Variants in NRCAM observed in about 807,000 individuals in gnomAD.
NRCAM encodes the protein neuronal cell adhesion molecule.
Under a neutral mutation model 156.5 loss-of-function variants are expected in NRCAM, and 83 were observed. The ratio of observed to expected loss-of-function variants is 0.53; its 90% CI spans 0.44 to 0.64. The LOEUF (loss-of-function observed/expected upper bound fraction) is 0.64. NRCAM is among the 30% of genes least tolerant of loss of function. The pLI is 0.00. For missense variants in NRCAM, 1,417 were observed against 1,597.3 expected (o/e 0.89, Z 1.92); for synonymous variants, 538 against 563.9 (o/e 0.95, Z 0.65).
chr7:108,371,381 C>T (rs548966324), intron 2 of NRCAM, among the ~76,000 whole-genome samples: 2 of 152,014 alleles, frequency 1.3e-5, no homozygotes, highest in African/African-American at 4.8e-5. Context: ...TCTACTCTGC[C>T]ACTACAACCA....
At chr7:108,324,875 T>C (rs1005364011) in intron 2 of NRCAM, among the ~76,000 whole-genome samples, 1 of 117,480 alleles carries the variant, frequency 8.5e-6, no homozygotes, top group Admixed American at 1.1e-4. Flanking sequence ...TTTGGCACTG[T>C]ACTTTTTTTT....
chr7:108,360,546 T>C (rs2099542798), intron 2 of NRCAM, among the ~76,000 whole-genome samples: 1 of 152,182 alleles, frequency 6.6e-6, no homozygotes, highest in Non-Finnish European at 1.5e-5. Flanking sequence ...AAAACAAGTT[T>C]GAAAAAGCAG....
At chr7:108,328,056 G>A (rs1166444666) in intron 2 of NRCAM, among the ~76,000 whole-genome samples, 1 of 152,182 alleles carries the variant, frequency 6.6e-6, no homozygotes, top group Non-Finnish European at 1.5e-5. Flanking sequence ...ACACCCTGTG[G>A]ATGTACCCTG....
intron 11 of NRCAM, among the ~76,000 whole-genome samples, chr7:108,218,048 G>T (rs992882650): frequency 2.6e-5 from 4 of 152,166 alleles, no homozygotes; most frequent in Non-Finnish European, 4.4e-5. Context: ...CCCTGGTGGT[G>T]TAGGCACCCC....
chr7:108,208,229 C>T (rs982031009), intron 12 of NRCAM, among the ~76,000 whole-genome samples: 7 of 152,056 alleles, frequency 4.6e-5, no homozygotes, highest in Middle Eastern at 3.4e-3. Context: ...TTGCTTGAAC[C>T]CGGGAGGTGG....
At chr7:108,170,776 G>A (rs1309033337) in intron 28 of NRCAM, among the ~76,000 whole-genome samples, 1 of 152,080 alleles carries the variant, frequency 6.6e-6, no homozygotes, top group African/African-American at 2.4e-5. Context: ...AGATTTTCGG[G>A]GTTCACATGT....
At chr7:108,313,222 A>C (rs1377360146) in intron 2 of NRCAM, 1 of 152,182 alleles carries the variant, frequency 6.6e-6, no homozygotes. Flanking sequence ...TGACAAAGGC[A>C]GAGCAGTGGA....
In NRCAM at chr7:108,184,588, T is replaced by C. The variant is rs369593799; in HGVS notation, c.2062A>G (p.Met688Val). 1.9e-6 allele frequency: 3 copies of C among 1,613,380 alleles called. No individual in the cohort carries two copies. The highest frequency in any genetic ancestry group is 1.7e-5 in the Admixed American group (1 of 60,004). The change falls in exon 21 of 33, where the codon ATG becomes GTG. Residue 688 changes from methionine to valine, a missense_variant. By Grantham distance (21) the Met-to-Val change is conservative (BLOSUM62 1). Around this residue, in one of 2 missense-constraint regions of NRCAM, gnomAD observed 1,238 missense variants for 1,336.4 expected, o/e 0.93. Transcript: ENST00000379028. ...TGGTGCCACAGCCCTGGCTTGTGCATTGCATCTTCATATTCGATGATGAAT... is the reference window on the plus strand; with the variant it reads ...TGGTGCCACAGCCCTGGCTTGTGCACTGCATCTTCATATTCGATGATGAAT... Reference protein sequence around the residue: ...TKFIIEYEDAMHKPGLWHHQT... With the variant: ...TKFIIEYEDAVHKPGLWHHQT...
At position 108,455,553 on chromosome 7, in the gene NRCAM, A is replaced by G. The variant is rs979931020; in HGVS notation, c.-332+690T>C. Reference sequence around the variant, plus strand: ...GGGACCCGCACCTGTAAGGCCGACAAAGCCCCCGCAAGCGCCCCACCCCTC... The same window carrying G: ...GGGACCCGCACCTGTAAGGCCGACAGAGCCCCCGCAAGCGCCCCACCCCTC... On this transcript the variant is annotated intron_variant, in intron 1 of 32. Coordinates refer to ENST00000379028, the MANE Select transcript of NRCAM (RefSeq NM_001037132.4). Among the ~76,000 whole-genome samples the G allele has an allele frequency of 2.6e-5, 4 of 152,132 alleles. No homozygotes were observed. In the East Asian group the frequency reaches 5.8e-4, roughly 22 times the overall value.
intron 1 of NRCAM, among the ~76,000 whole-genome samples, chr7:108,454,300 G>A (rs2154504237): frequency 6.6e-6 from 1 of 152,300 alleles, no homozygotes; most frequent in Admixed American, 6.5e-5. Flanking sequence ...ACACTCAGTG[G>A]TTTAGGTTTC....
chr7:108,339,147 C>A (rs2099245294), intron 2 of NRCAM, among the ~76,000 whole-genome samples: 1 of 152,170 alleles, frequency 6.6e-6, no homozygotes, highest in African/African-American at 2.4e-5. Context: ...AGAAGATTTC[C>A]TAACAGGAGA....
chr7:108,255,428 G>T (rs954771828), intron 3 of NRCAM, among the ~76,000 whole-genome samples: 2 of 152,164 alleles, frequency 1.3e-5, no homozygotes, highest in Non-Finnish European at 2.9e-5. Context: ...TGGGCCTCCC[G>T]AGGTGCCGGG....
intron 20 of NRCAM, among the ~76,000 whole-genome samples, chr7:108,186,577 T>C (rs749438485): frequency 2.6e-5 from 4 of 152,194 alleles, no homozygotes; most frequent in Non-Finnish European, 5.9e-5. Flanking sequence ...CCTAACTCAG[T>C]AGTTCCCAAA....
At chr7:108,452,058 T>G (rs1331869456) in intron 1 of NRCAM, among the ~76,000 whole-genome samples, 1 of 152,264 alleles carries the variant, frequency 6.6e-6, no homozygotes, top group Admixed American at 6.5e-5. Flanking sequence ...GATTTACAGT[T>G]GCTGACGCTG....
At chr7:108,256,864 C>G (rs1007062191) in intron 3 of NRCAM, among the ~76,000 whole-genome samples, 2 of 151,798 alleles carry the variant, frequency 1.3e-5, no homozygotes, top group African/African-American at 4.8e-5. Context: ...AAAAATACAG[C>G]CAGGTGTGGT....
At chr7:108,405,482 C>A (rs1412370207) in intron 1 of NRCAM, among the ~76,000 whole-genome samples, 1 of 152,182 alleles carries the variant, frequency 6.6e-6, no homozygotes, top group South Asian at 2.1e-4. Flanking sequence ...GACATTATTG[C>A]AACAATTTCA....
intron 3 of NRCAM, among the ~76,000 whole-genome samples, chr7:108,304,595 A>G (rs1232610562): frequency 6.6e-6 from 1 of 152,196 alleles, no homozygotes; most frequent in African/African-American, 2.4e-5. Context: ...TGTAGATTCC[A>G]TAAATTAGTA....
chr7:108,284,120 C>G (rs530067819), intron 3 of NRCAM, among the ~76,000 whole-genome samples: 1 of 152,088 alleles, frequency 6.6e-6, no homozygotes, highest in Non-Finnish European at 1.5e-5. Flanking sequence ...TTATGCCCAG[C>G]CTCTCATTTC....
intron 7 of NRCAM, among the ~76,000 whole-genome samples, chr7:108,231,817 G>A (rs890817527): frequency 1.3e-5 from 2 of 152,080 alleles, no homozygotes; most frequent in African/African-American, 4.8e-5. Context: ...ACTGAAAAAT[G>A]TGACTGTTAT....
Sources: gnomAD v4.1 joint callset for allele counts (sites outside exome capture counted in the v4.1 genomes callset) on GRCh38, gnomAD v4.1.1 for gene constraint, gnomAD v4.1.1 regional missense constraint, MANE v1.5 for transcripts, NCBI Gene and HGNC (gene_info 2026-07-23, HGNC 2026-07-21) for gene names.